MSL3: variants seen among roughly 807,000 people sequenced by gnomAD.
The protein encoded by MSL3 is MSL complex subunit 3, also known as MSL3-like 1.
Under a neutral mutation model 37.2 loss-of-function variants are expected in MSL3, and 5 were observed. That is an observed-to-expected ratio of 0.13 (90% CI 0.07 to 0.28). The LOEUF (loss-of-function observed/expected upper bound fraction) is 0.28. MSL3 is among the 10% of genes least tolerant of loss of function. The pLI, the probability that MSL3 is intolerant of heterozygous loss-of-function variation, is 1.00. For synonymous variants in MSL3, 149 were observed against 147.6 expected (o/e 1.01, Z -0.07); for missense variants, 315 against 408.5 (o/e 0.77, Z 1.97).
intron 1 of MSL3, chrX:11,758,611 T>C: frequency 1.7e-6 from 2 of 1,143,510 alleles, no homozygotes; most frequent in Non-Finnish European, 2.3e-6. Flanking sequence ...TCGCCCATGC[T>C]TTGTCGCGTT....
rs180673309 is a variant in MSL3, at chrX:11,763,073, C to T, written c.749+76C>T. The T allele has an allele frequency of 6.8e-5, 55 of 813,880 alleles. No individual in the cohort carries two copies. In the East Asian group the frequency reaches 1.9e-3, roughly 28 times the overall value. The allele number at this position is 813,880 out of a possible 1,213,427, so 67.1% of individuals were successfully genotyped here. On this transcript the variant is annotated intron_variant, in intron 7 of 12. Transcript: ENST00000312196. ...TGGCTTCCATTTAGAACAGGTGACACTTGTCTCTATTCCGTTATTTTGAAT... is the reference window on the plus strand; with the variant it reads ...TGGCTTCCATTTAGAACAGGTGACATTTGTCTCTATTCCGTTATTTTGAAT...
intron 8 of MSL3, 60 bp downstream of exon 8, chrX:11,763,998 T>C: frequency 4.0e-6 from 4 of 1,005,868 alleles, no homozygotes; most frequent in South Asian, 2.5e-5. Context: ...ATCAGATCCT[T>C]GTTTTGAAGA....
At position 11,765,545 on chromosome X, in the gene MSL3, C is replaced by A. The variant is rs765943347; in HGVS notation, c.987C>A (p.Thr329=). 8.3e-7 allele frequency: 1 copy of A among 1,211,400 alleles called. No homozygotes were observed. Among genetic ancestry groups the A allele is most frequent in the Admixed American group, 2.2e-5 (1 of 46,033 alleles). ...TPQSTESQPT[T]GEPATPKRRK... ...AGTCCACAGAGAGTCAGCCGACCACCGGTGAACCAGCCACCCCCAAAAGGC... is the reference window on the plus strand; with the variant it reads ...AGTCCACAGAGAGTCAGCCGACCACAGGTGAACCAGCCACCCCCAAAAGGC... The change falls in exon 9 of 13, where the codon ACC becomes ACA. Residue 329 remains threonine (T), a synonymous_variant. Coordinates refer to ENST00000312196, the MANE Select transcript of MSL3 (RefSeq NM_078629.4).
intron 9 of MSL3, chrX:11,767,174 G>A (rs1659662824): frequency 5.3e-6 from 4 of 752,832 alleles, no homozygotes; most frequent in Non-Finnish European, 4.7e-6. Context: ...TTCCAGGTGC[G>A]TGAAAGTATT....
rs1035247391 is a variant in MSL3, at chrX:11,775,111, T to A, written c.*32T>A. 3.7e-6 allele frequency: 4 copies of A among 1,080,472 alleles called. No individual in the cohort carries two copies. In the African/African-American group the frequency reaches 7.4e-5, roughly 20 times the overall value. 89.0% of individuals were successfully genotyped at this position (1,080,472 alleles called of 1,213,427 possible). A position where few individuals can be genotyped will look rare whatever the true frequency, so the allele number is the denominator to read the frequency against. On this transcript the variant is annotated 3_prime_UTR_variant, in exon 13 of 13. Coordinates refer to ENST00000312196, the MANE Select transcript of MSL3 (RefSeq NM_078629.4). ...GTTGGTTCTGTAAGAGCAACTGCTC[T>A]GTCTAGTTTGGCGCTCTGGGTTCCA...
At chrX:11,762,097 T>TAAATAGTTAAAACAGTA (rs1341570870) in intron 5 of MSL3, 33 bp from the exon 6 acceptor site, 1 of 1,104,434 alleles carries the variant, frequency 9.1e-7, no homozygotes. Flanking sequence ...TCTACTGTTT[T>TAAATAGTTAAAACAGTA]AAATAGTTAA....
rs916033823 is a variant in MSL3 at position 11,759,787 on chromosome X, T to C, written c.103-6T>C. 8.3e-7 allele frequency: 1 copy of C among 1,211,210 alleles called. No homozygotes were observed. Among genetic ancestry groups the C allele is most frequent in the Middle Eastern group, 2.3e-4 (1 of 4,323 alleles). On this transcript the variant is annotated splice_region_variant and splice_polypyrimidine_tract_variant and intron_variant, in intron 1 of 12. Transcript: ENST00000312196. ...GCCATTTGTGGGAAATATTTCTTCG[T>C]TTCAGATTGTTGATGTTATTGTTGG...
chrX:11,768,162 C>T (rs1159219696), intron 9 of MSL3, among the ~76,000 whole-genome samples: 1 of 111,135 alleles, frequency 9.0e-6, no homozygotes, highest in East Asian at 2.8e-4. Flanking sequence ...CAGTCAATTC[C>T]AGAACATTTT....
intron 12 of MSL3, among the ~76,000 whole-genome samples, chrX:11,774,536 T>G (rs959499939): frequency 1.3e-4 from 15 of 111,735 alleles, no homozygotes; most frequent in African/African-American, 4.9e-4. Flanking sequence ...AGCCAGGATG[T>G]TCTCGATCTC....
At position 11,758,260 on chromosome X, in the gene MSL3, G is replaced by C; in HGVS notation, c.-4G>C. 1.9e-6 allele frequency: 2 copies of C among 1,050,490 alleles called. No individual in the cohort carries two copies. Among genetic ancestry groups the C allele is most frequent in the Non-Finnish European group, 2.5e-6 (2 of 803,794 alleles). 86.6% of individuals were successfully genotyped at this position (1,050,490 alleles called of 1,213,427 possible). On this transcript the variant is annotated 5_prime_UTR_variant, in exon 1 of 13. Transcript: ENST00000312196. ...GGAGCCTCGCCCTCCGCCACGATGA[G>C]CAAATGAGCGCGAGCGAGGGCATGA...
intron 10 of MSL3, 60 bp downstream of exon 10, chrX:11,768,742 A>G (rs997193266): frequency 3.9e-5 from 30 of 770,326 alleles, no homozygotes; most frequent in Middle Eastern, 2.9e-4. Context: ...CTTCAATTCT[A>G]TAGGTGGAAG....
At chrX:11,761,765 A>G (rs936151076) in intron 5 of MSL3, among the ~76,000 whole-genome samples, 183 bp downstream of exon 5, 5 of 112,346 alleles carry the variant, frequency 4.5e-5, no homozygotes, top group African/African-American at 1.6e-4. Context: ...TGAGTCTCTC[A>G]GTGGCTCTTT....
At position 11,758,306 on chromosome X, in the gene MSL3, G is replaced by A; in HGVS notation, c.43G>A (p.Glu15Lys). Reference sequence around the variant, plus strand: ...CATGAAATTTAAATTCCACTCAGGGGAGAAAGTGCTGTGCTTCGAGCCTGA... The same window carrying A: ...CATGAAATTTAAATTCCACTCAGGGAAGAAAGTGCTGTGCTTCGAGCCTGA... ...EGMKFKFHSG[E>K]KVLCFEPDPT... is the part of the protein sequence containing the mutation. Residue 15 changes from glutamate (E) to lysine (K), a missense_variant, in exon 1 of 13, where the codon GAG becomes AAG. By Grantham distance (56) the Glu-to-Lys change is moderately conservative (BLOSUM62 1). Transcript: ENST00000312196. The A allele has an allele frequency of 8.8e-7, 1 of 1,135,051 alleles. No homozygotes were observed. Among genetic ancestry groups the A allele is most frequent in the Admixed American group, 2.5e-5 (1 of 39,789 alleles). 93.5% of individuals were successfully genotyped at this position (1,135,051 alleles called of 1,213,427 possible).
At chrX:11,765,771 G>A (rs770295933) in intron 9 of MSL3, 42 bp downstream of exon 9, 13 of 1,195,814 alleles carry the variant, frequency 1.1e-5, no homozygotes, top group South Asian at 3.7e-5. Context: ...GAGAGCCAGC[G>A]TGTACTTTGT....
chrX:11,771,839 CCAAAGT>C (rs1268091642), intron 10 of MSL3, among the ~76,000 whole-genome samples: 1 of 112,285 alleles, frequency 8.9e-6, no homozygotes, highest in Non-Finnish European at 1.9e-5. Flanking sequence ...CCTCGGCCTC[CCAAAGT>C]GCTGGGATTA....
chrX:11,772,414 A>G (rs2053240140), intron 11 of MSL3, among the ~76,000 whole-genome samples, 159 bp downstream of exon 11: 2 of 112,522 alleles, frequency 1.8e-5, no homozygotes, highest in African/African-American at 6.5e-5. Context: ...CATTGAATGA[A>G]TCTTAAATTT....
At chrX:11,771,468 C>CT (rs1469716256) in intron 10 of MSL3, among the ~76,000 whole-genome samples, 26 of 112,783 alleles carry the variant, frequency 2.3e-4, no homozygotes, top group Admixed American at 7.5e-4. Context: ...CATAATGAAT[C>CT]TAACAGCAAG....
chrX:11,759,713 G>T, intron 1 of MSL3, 80 bp from the exon 2 acceptor site: 1 of 1,192,039 alleles, frequency 8.4e-7, no homozygotes. Context: ...TTAAAAAAGG[G>T]TCTGTGAATT....
At chrX:11,765,324 G>A in intron 8 of MSL3, 143 bp from the exon 9 acceptor site, 1 of 640,513 alleles carries the variant, frequency 1.6e-6, no homozygotes, top group Non-Finnish European at 2.3e-6. Flanking sequence ...AGCGTGCCTT[G>A]CAGAGTTATG....
Sources: gnomAD v4.1 joint callset for allele counts (sites outside exome capture counted in the v4.1 genomes callset) on GRCh38, gnomAD v4.1.1 for gene constraint, MANE v1.5 for transcripts, NCBI Gene and HGNC (gene_info 2026-07-23, HGNC 2026-07-21) for gene names.